The following GABRB2 variants were observed in gnomAD, a reference collection of about 807,000 sequenced individuals.
The protein encoded by GABRB2 is gamma-aminobutyric acid type A receptor subunit beta2.
A neutral mutation model predicts 54.7 loss-of-function variants in GABRB2; 16 were observed. That is an observed-to-expected ratio of 0.29 (90% CI 0.20 to 0.44). GABRB2 has a LOEUF of 0.44. Among genes scored for constraint, GABRB2 ranks in the 20% least tolerant of loss-of-function variants. The pLI is 1.00. For synonymous variants in GABRB2, 244 were observed against 233.8 expected (o/e 1.04, Z -0.40); for missense variants, 355 against 644.0 (o/e 0.55, Z 4.86).
intron 5 of GABRB2, among the ~76,000 whole-genome samples, chr5:161,402,422 C>T (rs1210172744): frequency 6.6e-6 from 1 of 152,070 alleles, no homozygotes; most frequent in Non-Finnish European, 1.5e-5. Context: ...ACCTTTCCCG[C>T]CCTACTCCAG....
chr5:161,374,071 A>G (rs995625912), intron 5 of GABRB2, among the ~76,000 whole-genome samples: 5 of 151,984 alleles, frequency 3.3e-5, no homozygotes, highest in Non-Finnish European at 7.4e-5. Context: ...AGCTTTCCTG[A>G]GTAGCTAGGA....
At chr5:161,364,464 T>C (rs888555555) in intron 5 of GABRB2, among the ~76,000 whole-genome samples, 4 of 152,164 alleles carry the variant, frequency 2.6e-5, no homozygotes, top group Admixed American at 6.5e-5. Context: ...TACTGAACTC[T>C]TGATGCTAAA....
At chr5:161,397,569 T>C (rs1463128076) in intron 5 of GABRB2, among the ~76,000 whole-genome samples, 1 of 152,156 alleles carries the variant, frequency 6.6e-6, no homozygotes, top group African/African-American at 2.4e-5. Flanking sequence ...GTCCTGTTTA[T>C]CAGAAACAAA....
chr5:161,456,960 T>C (rs779151751), intron 4 of GABRB2, among the ~76,000 whole-genome samples: 3 of 152,202 alleles, frequency 2.0e-5, no homozygotes, highest in Non-Finnish European at 2.9e-5. Flanking sequence ...AGAAATTAAA[T>C]AGAATAAAAG....
chr5:161,369,804 T>C (rs1755081115), intron 5 of GABRB2, among the ~76,000 whole-genome samples: 1 of 152,216 alleles, frequency 6.6e-6, no homozygotes, highest in Non-Finnish European at 1.5e-5. Flanking sequence ...TTGCCTGACC[T>C]CTTATCTGTC....
At chr5:161,446,212 A>G (rs773202145) in intron 4 of GABRB2, among the ~76,000 whole-genome samples, 1 of 152,112 alleles carries the variant, frequency 6.6e-6, no homozygotes, top group African/African-American at 2.4e-5. Context: ...CTTATTCACT[A>G]CTGTACCTTC....
intron 9 of GABRB2, among the ~76,000 whole-genome samples, chr5:161,323,087 C>T (rs191231981): frequency 7.9e-4 from 117 of 148,288 alleles, no homozygotes; most frequent in African/African-American, 2.7e-3. Flanking sequence ...TGCAGTGGTG[C>T]GATCTCGTCT....
chr5:161,477,418 A>G (rs1440398190), intron 3 of GABRB2, among the ~76,000 whole-genome samples: 1 of 151,870 alleles, frequency 6.6e-6, no homozygotes, highest in Non-Finnish European at 1.5e-5. Flanking sequence ...AAACATAAAA[A>G]TAGAATTGCT....
rs1757217909 is a variant in GABRB2 at position 161,290,830 on chromosome 5, CGCATTCCACT to C, written c.*3241_*3250del. ...TTAAACATGATTCATTTCCCCATTA[CGCATTCCACT>C]GCTCTTTCTTTATGTGTTGTGCTTT... is the stretch of plus-strand genomic sequence containing the variant. On this transcript the variant is annotated 3_prime_UTR_variant, in exon 10 of 10. Transcript: ENST00000393959. The C allele has an allele frequency of 6.6e-6, 1 of 152,528 alleles. No homozygotes were observed. Among genetic ancestry groups the C allele is most frequent in the Non-Finnish European group, 1.5e-5 (1 of 67,992 alleles). 9.4% of individuals were successfully genotyped at this position (152,528 alleles called of 1,614,324 possible).
At chr5:161,439,241 G>A (rs984290053) in intron 4 of GABRB2, among the ~76,000 whole-genome samples, 16 of 152,290 alleles carry the variant, frequency 1.1e-4, no homozygotes, top group South Asian at 2.1e-4. Flanking sequence ...AGACAGTGGC[G>A]TGACATATTT....
chr5:161,487,874 C>A (rs1208401664), intron 3 of GABRB2, among the ~76,000 whole-genome samples: 2 of 151,884 alleles, frequency 1.3e-5, no homozygotes, highest in African/African-American at 4.8e-5. Context: ...TGTACTTTTA[C>A]TACCCATGAG....
At chr5:161,430,878 G>T (rs1191706327) in intron 4 of GABRB2, among the ~76,000 whole-genome samples, 18 of 152,038 alleles carry the variant, frequency 1.2e-4, no homozygotes, top group Admixed American at 8.5e-4. Context: ...GTAAGAATAG[G>T]TTATGCATGG....
chr5:161,526,179 A>G lies in GABRB2; in HGVS notation c.237+19048T>C, dbSNP rs547459309. On this transcript the variant is annotated intron_variant, in intron 3 of 9. Transcript: ENST00000393959. ...CTTGAACTTCATGCACAACTAAACC[A>G]TTCTTAGCTGAGTGGATCAACATGA... Among the ~76,000 whole-genome samples the G allele has an allele frequency of 2.0e-5, 3 of 151,584 alleles. No individual in the cohort carries two copies. The East Asian group carries it at 5.8e-4, about 29-fold the overall frequency.
At chr5:161,440,661 A>C (rs1004173487) in intron 4 of GABRB2, among the ~76,000 whole-genome samples, 1 of 152,198 alleles carries the variant, frequency 6.6e-6, no homozygotes, top group Non-Finnish European at 1.5e-5. Flanking sequence ...AGTTATTCTA[A>C]GTTATTCTAA....
intron 3 of GABRB2, among the ~76,000 whole-genome samples, chr5:161,533,108 G>A (rs1055763075): frequency 2.0e-5 from 3 of 151,352 alleles, no homozygotes; most frequent in African/African-American, 7.3e-5. Context: ...AGGTAAATGG[G>A]CAGTAGATGC....
At position 161,481,364 on chromosome 5, in the gene GABRB2, C is replaced by A. The variant is rs546215953; in HGVS notation, c.238-21520G>T. ...TTTTCAGTACTTTCTCTTCAATAGG[C>A]CTCCTTCTAATTATTACTCATACGT... On this transcript the variant is annotated intron_variant, in intron 3 of 9. Transcript: ENST00000393959. Among the ~76,000 whole-genome samples, 6 of 152,054 alleles carry A rather than the reference C, an allele frequency of 3.9e-5. No individual in the cohort carries two copies. In the East Asian group the frequency reaches 1.2e-3, roughly 30 times the overall value.
intron 3 of GABRB2, among the ~76,000 whole-genome samples, chr5:161,496,366 T>C (rs769316320): frequency 6.6e-5 from 10 of 152,112 alleles, no homozygotes; most frequent in Non-Finnish European, 1.0e-4. Context: ...TAGTTAAGAT[T>C]ATTTTCTCAA....
intron 5 of GABRB2, among the ~76,000 whole-genome samples, chr5:161,399,814 T>C (rs1756128444): frequency 6.6e-6 from 1 of 152,168 alleles, no homozygotes; most frequent in African/African-American, 2.4e-5. Context: ...GAGGAAATAA[T>C]ATATGTAGCT....
At chr5:161,514,553 T>C (rs947514752) in intron 3 of GABRB2, among the ~76,000 whole-genome samples, 3 of 152,040 alleles carry the variant, frequency 2.0e-5, no homozygotes, top group African/African-American at 7.3e-5. Flanking sequence ...GATTTGCCTT[T>C]TCTCTATCCC....
Sources: gnomAD v4.1 joint callset for allele counts (sites outside exome capture counted in the v4.1 genomes callset) on GRCh38, gnomAD v4.1.1 for gene constraint, MANE v1.5 for transcripts, NCBI Gene and HGNC (gene_info 2026-07-23, HGNC 2026-07-21) for gene names.